NRXN3: variants seen among roughly 807,000 people sequenced by gnomAD.
NRXN3 encodes neurexin III.
A neutral mutation model predicts 137.6 loss-of-function variants in NRXN3; 32 were observed. The ratio of observed to expected loss-of-function variants is 0.23; its 90% CI spans 0.18 to 0.31. The LOEUF (loss-of-function observed/expected upper bound fraction) is 0.31. Ranked by LOEUF, NRXN3 falls within the 10% of genes least tolerant of loss-of-function variation. The pLI, the probability that NRXN3 is intolerant of heterozygous loss-of-function variation, is 1.00. For missense variants in NRXN3, 1,574 were observed against 2,062.5 expected (o/e 0.76, Z 4.59); for synonymous variants, 798 against 784.5 (o/e 1.02, Z -0.29).
chr14:78,735,626 G>C (rs1251709864), intron 8 of NRXN3, among the ~76,000 whole-genome samples: 1 of 152,178 alleles, frequency 6.6e-6, no homozygotes, highest in African/African-American at 2.4e-5. Context: ...TGACCTAAAA[G>C]ATGACTTCAA....
intron 17 of NRXN3, among the ~76,000 whole-genome samples, chr14:79,676,522 TTAA>T (rs768152762): frequency 1.6e-4 from 25 of 151,936 alleles, no homozygotes; most frequent in Admixed American, 7.2e-4. Flanking sequence ...AGGACTATAT[TTAA>T]TAATATTGTA....
At chr14:78,938,853 T>C (rs2099347244) in intron 10 of NRXN3, among the ~76,000 whole-genome samples, 1 of 148,340 alleles carries the variant, frequency 6.7e-6, no homozygotes, top group African/African-American at 2.5e-5. Context: ...TTTTTCTTTT[T>C]TTTTTTTTTT....
At chr14:79,364,828 T>C (rs1235345056) in intron 15 of NRXN3, among the ~76,000 whole-genome samples, 1 of 152,168 alleles carries the variant, frequency 6.6e-6, no homozygotes, top group East Asian at 1.9e-4. Context: ...TCTTTAGCTA[T>C]TCATAATGCA....
At chr14:79,280,809 C>T (rs2081159988) in intron 15 of NRXN3, 2 of 431,202 alleles carry the variant, frequency 4.6e-6, no homozygotes, top group Non-Finnish European at 8.5e-6. Context: ...ACACCACACT[C>T]TCTCTTTTGC....
intron 19 of NRXN3, among the ~76,000 whole-genome samples, chr14:79,765,666 T>C (rs1603472142): frequency 2.6e-5 from 4 of 152,308 alleles, no homozygotes; most frequent in South Asian, 4.1e-4. Flanking sequence ...GCAAATCACA[T>C]AGTGCCAGGT....
chr14:79,251,125 C>G (rs934185583), intron 15 of NRXN3, among the ~76,000 whole-genome samples: 4 of 152,080 alleles, frequency 2.6e-5, no homozygotes, highest in African/African-American at 2.4e-5. Flanking sequence ...TAGAACTTTC[C>G]ATAGGTGTGA....
intron 16 of NRXN3, among the ~76,000 whole-genome samples, chr14:79,628,413 G>A (rs768525634): frequency 1.3e-5 from 2 of 152,054 alleles, no homozygotes; most frequent in African/African-American, 4.8e-5. Flanking sequence ...GTTGATCTTC[G>A]AAGGACCTGT....
chr14:79,770,869 G>T (rs1248487073), intron 19 of NRXN3, among the ~76,000 whole-genome samples: 1 of 152,028 alleles, frequency 6.6e-6, no homozygotes, highest in East Asian at 1.9e-4. Flanking sequence ...AAAATTGATA[G>T]ACCACTAGCA....
At chr14:78,416,336 G>C (rs892775829) in intron 4 of NRXN3, among the ~76,000 whole-genome samples, 1 of 152,194 alleles carries the variant, frequency 6.6e-6, no homozygotes. Context: ...TGGGGCTTCA[G>C]TTGAGCCCTG....
chr14:78,983,741 C>T (rs772853742), intron 14 of NRXN3, among the ~76,000 whole-genome samples: 5 of 151,286 alleles, frequency 3.3e-5, no homozygotes, highest in Non-Finnish European at 7.4e-5. Flanking sequence ...CCTGTAGTAC[C>T]AGCTACTTGG....
chr14:79,112,892 T>C (rs996704136), intron 15 of NRXN3, among the ~76,000 whole-genome samples: 7 of 152,176 alleles, frequency 4.6e-5, no homozygotes, highest in African/African-American at 1.7e-4. Flanking sequence ...AGGGTAATGA[T>C]GAAAAAGATT....
chr14:79,607,697 G>T (rs2098039655), intron 16 of NRXN3, among the ~76,000 whole-genome samples: 1 of 146,794 alleles, frequency 6.8e-6, no homozygotes, highest in African/African-American at 2.5e-5. Context: ...TTTTGAGACA[G>T]GATTTCACTG....
At chr14:79,347,421 T>G (rs2092942899) in intron 15 of NRXN3, among the ~76,000 whole-genome samples, 1 of 151,732 alleles carries the variant, frequency 6.6e-6, no homozygotes, top group Non-Finnish European at 1.5e-5. Context: ...TGAGGCAACG[T>G]TTTCCTTTTT....
intron 16 of NRXN3, among the ~76,000 whole-genome samples, chr14:79,586,880 C>T (rs1022898912): frequency 7.9e-5 from 12 of 152,174 alleles, no homozygotes; most frequent in Non-Finnish European, 1.8e-4. Flanking sequence ...GATTAACTGG[C>T]ATATACTAGT....
At chr14:78,529,504 C>T (rs2096430452) in intron 4 of NRXN3, among the ~76,000 whole-genome samples, 3 of 152,172 alleles carry the variant, frequency 2.0e-5, no homozygotes, top group Admixed American at 1.3e-4. Context: ...AGGTCAAAAT[C>T]ATTTTCTTGA....
intron 15 of NRXN3, among the ~76,000 whole-genome samples, chr14:79,410,343 CA>C (rs1375162419): frequency 1.2e-4 from 18 of 152,020 alleles, no homozygotes; most frequent in Non-Finnish European, 2.5e-4. Context: ...CAAACTACCC[CA>C]AACTCCATGA....
At chr14:79,488,313 T>A (rs2096676702) in intron 16 of NRXN3, among the ~76,000 whole-genome samples, 1 of 152,214 alleles carries the variant, frequency 6.6e-6, no homozygotes. Context: ...ACTTAACTTG[T>A]GACAGTTTTT....
chr14:79,019,146 A>G (rs2099584590), intron 15 of NRXN3, among the ~76,000 whole-genome samples: 1 of 152,098 alleles, frequency 6.6e-6, no homozygotes, highest in African/African-American at 2.4e-5. Flanking sequence ...CTACTGTGCT[A>G]CTCAGTGATG....
At chr14:78,949,284 T>G (rs1336980317) in intron 10 of NRXN3, among the ~76,000 whole-genome samples, 1 of 152,172 alleles carries the variant, frequency 6.6e-6, no homozygotes, top group Non-Finnish European at 1.5e-5. Context: ...TTTAATTTAT[T>G]CATCCATTTC....
Sources: allele counts gnomAD v4.1 joint callset (sites outside exome capture counted in the v4.1 genomes callset), GRCh38; gene constraint gnomAD v4.1.1; transcripts MANE v1.5; gene names NCBI Gene and HGNC (gene_info 2026-07-23, HGNC 2026-07-21).